ZBTB7C: variants seen among roughly 807,000 people sequenced by gnomAD.
ZBTB7C encodes zinc finger and BTB domain-containing protein 7C.
ZBTB7C carries 8 observed loss-of-function variants against 25.7 expected under a neutral mutation model. That is an observed-to-expected ratio of 0.31 (90% CI 0.18 to 0.56). The LOEUF is 0.56. Ranked by LOEUF, ZBTB7C falls within the 20% of genes least tolerant of loss-of-function variation. The pLI is 0.91. For synonymous variants in ZBTB7C, 394 were observed against 369.0 expected (o/e 1.07, Z -0.78); for missense variants, 824 against 855.2 (o/e 0.96, Z 0.46).
chr18:48,109,626 C>G (rs1203774966), intron 3 of ZBTB7C, among the ~76,000 whole-genome samples: 1 of 151,478 alleles, frequency 6.6e-6, no homozygotes, highest in Non-Finnish European at 1.5e-5. Context: ...ACACACAAAA[C>G]AGTGCATGCG....
In ZBTB7C at chr18:48,027,799, A is replaced by G. The variant is rs887452932; in HGVS notation, c.*1461T>C. ...TCCTCTCTGGGCTGCTCAGAAACCAAAGCAAACTTGGCAAGAAAAGAGAGG... is the reference window on the plus strand; with the variant it reads ...TCCTCTCTGGGCTGCTCAGAAACCAGAGCAAACTTGGCAAGAAAAGAGAGG... On this transcript the variant is annotated 3_prime_UTR_variant, in exon 5 of 5. Coordinates refer to ENST00000590800, the MANE Select transcript of ZBTB7C (RefSeq NM_001318841.2). 4 of 152,258 alleles carry G rather than the reference A, an allele frequency of 2.6e-5. No individual in the cohort carries two copies. Among genetic ancestry groups the G allele is most frequent in the African/African-American group, 9.7e-5 (4 of 41,446 alleles). 9.4% of individuals were successfully genotyped at this position (152,258 alleles called of 1,614,324 possible). A position where few individuals can be genotyped will look rare whatever the true frequency, so the allele number is the denominator to read the frequency against.
chr18:48,292,881 T>G (rs918674674), intron 2 of ZBTB7C, among the ~76,000 whole-genome samples: 1 of 152,166 alleles, frequency 6.6e-6, no homozygotes, highest in African/African-American at 2.4e-5. Flanking sequence ...TGAAATCTAC[T>G]ACTATTACTG....
chr18:48,374,108 C>G (rs1228741732), intron 1 of ZBTB7C: 1 of 152,510 alleles, frequency 6.6e-6, no homozygotes, highest in African/African-American at 2.4e-5. Context: ...ATGCTGGTGC[C>G]ATGCTTCCTG....
rs189791464 is a variant in ZBTB7C, at chr18:48,116,918, C to A, written c.-17+69016G>T. On this transcript the variant is annotated intron_variant, in intron 3 of 4. Coordinates refer to ENST00000590800, the MANE Select transcript of ZBTB7C (RefSeq NM_001318841.2). ...CCCTGTGCATAAGGGCATCATATTC[C>A]TCAAGGGCAGGGGCTCTATGTTATA... is the stretch of plus-strand genomic sequence containing the variant. Among the ~76,000 whole-genome samples, 10 of 152,272 alleles carry A rather than the reference C, an allele frequency of 6.6e-5. No homozygotes were observed. The East Asian group carries it at 1.9e-3, about 29-fold the overall frequency.
chr18:48,048,791 C>T (rs546740369), intron 3 of ZBTB7C, among the ~76,000 whole-genome samples: 2 of 152,288 alleles, frequency 1.3e-5, no homozygotes, highest in South Asian at 2.1e-4. Context: ...TACAGGCTCC[C>T]AGGGCTCTCC....
intron 3 of ZBTB7C, among the ~76,000 whole-genome samples, chr18:48,047,912 G>A (rs987848072): frequency 6.6e-6 from 1 of 152,202 alleles, no homozygotes; most frequent in Non-Finnish European, 1.5e-5. Flanking sequence ...GAGAGGGCAG[G>A]TAGCTTGCCC....
chr18:48,030,366 C>T (rs1163879763), intron 4 of ZBTB7C, among the ~76,000 whole-genome samples: 1 of 152,132 alleles, frequency 6.6e-6, no homozygotes, highest in Non-Finnish European at 1.5e-5. Context: ...ATGCTTTGGC[C>T]CAAAGTCCCT....
intron 1 of ZBTB7C, among the ~76,000 whole-genome samples, chr18:48,356,167 G>A (rs1339258037): frequency 6.6e-6 from 1 of 152,150 alleles, no homozygotes; most frequent in African/African-American, 2.4e-5. Context: ...ATTCAACAGG[G>A]TTTTCCAGCT....
At chr18:48,276,383 C>T (rs2144605642) in intron 2 of ZBTB7C, among the ~76,000 whole-genome samples, 1 of 149,888 alleles carries the variant, frequency 6.7e-6, no homozygotes, top group African/African-American at 2.5e-5. Flanking sequence ...ATATGCCATG[C>T]TGGTGCACTG....
At chr18:48,410,716 T>A (rs1409020774), upstream of ZBTB7C, 2 of 152,284 alleles carry the variant, frequency 1.3e-5, no homozygotes. Flanking sequence ...CAGACAGACA[T>A]AGGAACCCTC....
chr18:48,405,340 C>T (rs1013493158), intron 1 of ZBTB7C, among the ~76,000 whole-genome samples: 1 of 152,174 alleles, frequency 6.6e-6, no homozygotes, highest in African/African-American at 2.4e-5. Flanking sequence ...CGACCAGCCC[C>T]ACACAGAAAT....
intron 2 of ZBTB7C, among the ~76,000 whole-genome samples, chr18:48,326,782 C>A (rs1479002547): frequency 6.6e-6 from 1 of 152,116 alleles, no homozygotes; most frequent in Non-Finnish European, 1.5e-5. Flanking sequence ...CAAATAAACA[C>A]TATGGGGACA....
At chr18:48,406,479 A>G (rs9948160) in intron 1 of ZBTB7C, among the ~76,000 whole-genome samples, 1 of 152,132 alleles carries the variant, frequency 6.6e-6, no homozygotes, top group Admixed American at 6.5e-5. Flanking sequence ...TCCCTCTGTA[A>G]TATGAACAAA....
At chr18:48,098,223 AGATGTACAG>A (rs2038708822) in intron 3 of ZBTB7C, among the ~76,000 whole-genome samples, 1 of 152,180 alleles carries the variant, frequency 6.6e-6, no homozygotes, top group Non-Finnish European at 1.5e-5. Flanking sequence ...CCCCAGGCAG[AGATGTACAG>A]GATGCACTCC....
At chr18:48,075,144 C>G (rs572264339) in intron 3 of ZBTB7C, among the ~76,000 whole-genome samples, 8 of 152,254 alleles carry the variant, frequency 5.3e-5, no homozygotes, top group African/African-American at 1.7e-4. Context: ...CTGCCTCCCC[C>G]ACCCACAGTG....
chr18:48,296,194 G>GC (rs1029040123), intron 2 of ZBTB7C, among the ~76,000 whole-genome samples: 1 of 152,160 alleles, frequency 6.6e-6, no homozygotes, highest in Non-Finnish European at 1.5e-5. Context: ...ACCTGCTCAG[G>GC]CCCCCTGGAT....
chr18:48,197,504 T>C (rs922454670), intron 2 of ZBTB7C, among the ~76,000 whole-genome samples: 4 of 152,200 alleles, frequency 2.6e-5, no homozygotes, highest in African/African-American at 4.8e-5. Context: ...GACATATTTT[T>C]AAATAAAATG....
chr18:48,210,261 G>T (rs2042672235), intron 2 of ZBTB7C, among the ~76,000 whole-genome samples: 1 of 152,182 alleles, frequency 6.6e-6, no homozygotes, highest in Admixed American at 6.5e-5. Flanking sequence ...CAGCCTGGCA[G>T]TTACTCAAAA....
At chr18:48,317,947 C>G (rs1339260802) in intron 2 of ZBTB7C, among the ~76,000 whole-genome samples, 1 of 136,524 alleles carries the variant, frequency 7.3e-6, no homozygotes, top group African/African-American at 2.5e-5. Flanking sequence ...TTCAGCAGAC[C>G]TTTCCCCTCT....
Sources: allele counts gnomAD v4.1 joint callset (sites outside exome capture counted in the v4.1 genomes callset), GRCh38; gene constraint gnomAD v4.1.1; transcripts MANE v1.5; gene names NCBI Gene and HGNC (gene_info 2026-07-23, HGNC 2026-07-21).